Variants in BRD2 observed in about 807,000 individuals in gnomAD.
BRD2 encodes bromodomain containing 2, also known as bromodomain-containing protein 2.
BRD2 carries 15 observed loss-of-function variants against 79.1 expected under a neutral mutation model. The observed-to-expected ratio is 0.19, with a 90% CI of 0.13 to 0.29. The LOEUF is 0.29. Among genes scored for constraint, BRD2 ranks in the 10% least tolerant of loss-of-function variants. The pLI is 1.00. For synonymous variants in BRD2, 488 were observed against 358.6 expected (o/e 1.36, Z -4.08); for missense variants, 1,053 against 991.3 (o/e 1.06, Z -0.84).
rs569464963 is a variant in BRD2 at position 32,977,704 on chromosome 6, G to T, written c.1330-53G>T. The T allele has an allele frequency of 1.9e-5, 31 of 1,608,452 alleles. No homozygotes were observed. The Middle Eastern group carries it at 6.6e-4, about 34-fold the overall frequency. On this transcript the variant is annotated intron_variant, in intron 8 of 12. Transcript: ENST00000374825. ...TTGGAGCTATATCACTTGGTGGCTG[G>T]GTATGTAGGGCACTGTTTATCAGCA...
At position 32,977,318 on chromosome 6, in the gene BRD2, C is replaced by T. The variant is rs1582913712; in HGVS notation, c.1201-124C>T. On this transcript the variant is annotated intron_variant, in intron 7 of 12. Coordinates refer to ENST00000374825, the MANE Select transcript of BRD2 (RefSeq NM_005104.4). ...TTGACTTCAAACTTGAACCCCAGGG[C>T]ACAGATCCTTAAGGTCATCCCCACT... 1.9e-5 allele frequency: 30 copies of T among 1,603,294 alleles called. No individual in the cohort carries two copies. The East Asian group carries it at 6.7e-4, about 36-fold the overall frequency.
rs1440378147 is a variant in BRD2, at chr6:32,980,667, C to T, written c.2355C>T (p.Ser785=). ...CCAGCTCCAGCTCAGATTCCAGCTC[C>T]TCCTCTTCCTCGTCGTCGTCTTCAG... ...SASSSSSDSS[S]SSSSSSSSDT... The change falls in exon 13 of 13, where the codon TCC becomes TCT. Residue 785 remains serine (S), a synonymous_variant. Transcript: ENST00000374825. The T allele has an allele frequency of 2.5e-6, 4 of 1,613,036 alleles. No individual in the cohort carries two copies. Among genetic ancestry groups the T allele is most frequent in the Non-Finnish European group, 8.5e-7 (1 of 1,180,042 alleles).
At chr6:32,969,788 G>A (rs1777780106) in intron 1 of BRD2, among the ~76,000 whole-genome samples, 1 of 152,184 alleles carries the variant, frequency 6.6e-6, no homozygotes, top group Non-Finnish European at 1.5e-5. Flanking sequence ...AGACAGCATG[G>A]TCTGAGATGC....
chr6:32,972,194 C>G lies in BRD2; in HGVS notation c.-705C>G. On this transcript the variant is annotated 5_prime_UTR_variant, in exon 2 of 13. Coordinates refer to ENST00000374825, the MANE Select transcript of BRD2 (RefSeq NM_005104.4). ...TATAAAGGGCTGGCGCGGGGCTCGG[C>G]GGCGCCATTTCGTGCTGGAGTGGAG... 4 of 550,468 alleles carry G rather than the reference C, an allele frequency of 7.3e-6. No individual in the cohort carries two copies. Among genetic ancestry groups the G allele is most frequent in the South Asian group, 1.9e-5 (1 of 52,454 alleles). The allele number at this position is 550,468 out of a possible 1,614,324, so 34.1% of individuals were successfully genotyped here. A position where few individuals can be genotyped will look rare whatever the true frequency, so the allele number is the denominator to read the frequency against.
chr6:32,974,418 C>A, intron 2 of BRD2, 44 bp from the exon 3 acceptor site: 1 of 1,564,932 alleles, frequency 6.4e-7, no homozygotes, highest in South Asian at 1.2e-5. Context: ...GCACTTTTTC[C>A]TCATTTGGAC....
At chr6:32,975,083 CA>C (rs1377237320) in intron 3 of BRD2, 2 of 1,513,608 alleles carry the variant, frequency 1.3e-6, no homozygotes, top group Non-Finnish European at 1.8e-6. Flanking sequence ...TCCTTTCCCT[CA>C]TGCAGCCCAT....
At position 32,972,115 on chromosome 6, in the gene BRD2, A is replaced by C; in HGVS notation, c.-784A>C. ...GCGCGCGCGCGGAGGGGGTGGGGAA[A>C]AGCTCAAGCAGGGTGGCGCGCATGA... On this transcript the variant is annotated 5_prime_UTR_variant, in exon 2 of 13. Transcript: ENST00000374825. The C allele has an allele frequency of 1.5e-6, 1 of 689,324 alleles. No individual in the cohort carries two copies. Among genetic ancestry groups the C allele is most frequent in the Non-Finnish European group, 2.6e-6 (1 of 377,736 alleles). The allele number at this position is 689,324 out of a possible 1,614,324, so 42.7% of individuals were successfully genotyped here.
In BRD2 at chr6:32,972,896, A is replaced by C. The variant is rs761492965; in HGVS notation, c.-3A>C. The C allele has an allele frequency of 6.2e-7, 1 of 1,614,078 alleles. No homozygotes were observed. The highest frequency in any genetic ancestry group is 1.3e-5 in the African/African-American group (1 of 75,048). On this transcript the variant is annotated 5_prime_UTR_variant, in exon 2 of 13. Transcript: ENST00000374825. ...AGGGCAGCGCCGGTTCCTTGCGGTC[A>C]AGATGCTGCAAAACGTGACTCCCCA...
intron 4 of BRD2, 23 bp from the exon 5 acceptor site, chr6:32,976,008 T>C: frequency 6.3e-7 from 1 of 1,580,362 alleles, no homozygotes; most frequent in East Asian, 2.2e-5. Context: ...TAACTTTCTT[T>C]ATTGCTGTCT....
intron 8 of BRD2, 38 bp from the exon 9 acceptor site, chr6:32,977,719 G>GT (rs762166088): frequency 6.2e-7 from 1 of 1,611,910 alleles, no homozygotes; most frequent in Non-Finnish European, 8.5e-7. Context: ...GTAGGGCACT[G>GT]TTTATCAGCA....
Position 32,980,594 on chromosome 6 carries a change from C to T in BRD2, c.2282C>T (p.Thr761Ile), listed in dbSNP as rs200578995. ...ATTTGTTCTGCAGCGAATGAGAAAA[C>T]AGAGTCATCCTCTGCACAGCAAGTA... is the stretch of plus-strand genomic sequence containing the variant. ...KKPPKKANEK[T>I]ESSSAQQVAV... is the part of the protein sequence containing the mutation. The change falls in exon 13 of 13, where the codon ACA (threonine) becomes ATA (isoleucine). Residue 761 changes from threonine (T) to isoleucine (I), a missense_variant. Physicochemically the swap from Thr to Ile is moderately conservative, Grantham distance 89 (BLOSUM62 -1). Around this residue, in one of 5 missense-constraint regions of BRD2, gnomAD observed 139 missense variants for 133.2 expected, o/e 1.04. Coordinates refer to ENST00000374825, the MANE Select transcript of BRD2 (RefSeq NM_005104.4). 6.8e-6 allele frequency: 11 copies of T among 1,613,144 alleles called. No individual in the cohort carries two copies. Among genetic ancestry groups the T allele is most frequent in the Middle Eastern group, 3.3e-4 (2 of 6,062 alleles).
Position 32,980,836 on chromosome 6 carries a change from C to T in BRD2, c.*118C>T. On this transcript the variant is annotated 3_prime_UTR_variant, in exon 13 of 13. Coordinates refer to ENST00000374825, the MANE Select transcript of BRD2 (RefSeq NM_005104.4). ...TCTTCATCTCACCCCCCCCCGCCCC[C>T]CTCTAGGAGAGCTGGCTCTGCAGTG... The T allele has an allele frequency of 8.0e-7, 1 of 1,256,388 alleles. No individual in the cohort carries two copies. The highest frequency in any genetic ancestry group is 1.1e-6 in the Non-Finnish European group (1 of 902,264). 77.8% of individuals were successfully genotyped at this position (1,256,388 alleles called of 1,614,324 possible).
At chr6:32,971,479 T>C (rs998562165) in intron 1 of BRD2, 116 bp from the exon 2 acceptor site, 1 of 415,204 alleles carries the variant, frequency 2.4e-6, no homozygotes, top group Non-Finnish European at 4.2e-6. Context: ...AACACTGTTT[T>C]AGACTGTGGG....
rs1803865 is a variant in BRD2, at chr6:32,972,241, G to A, written c.-658G>A. On this transcript the variant is annotated 5_prime_UTR_variant, in exon 2 of 13. Coordinates refer to ENST00000374825, the MANE Select transcript of BRD2 (RefSeq NM_005104.4). ...GGAGCAGCCTCTAGAACGAGCTGGAGGATTCTGCCTACCGATACAGAGCCT... is the reference window on the plus strand; with the variant it reads ...GGAGCAGCCTCTAGAACGAGCTGGAAGATTCTGCCTACCGATACAGAGCCT... The A allele has an allele frequency of 2.1e-5, 10 of 482,494 alleles. No homozygotes were observed. Among genetic ancestry groups the A allele is most frequent in the Non-Finnish European group, 3.8e-5 (10 of 261,526 alleles). The allele number at this position is 482,494 out of a possible 1,614,324, so 29.9% of individuals were successfully genotyped here.
rs200397640 is a variant in BRD2 at position 32,980,681 on chromosome 6, C to T, written c.2369C>T (p.Ser790Leu). 2.0e-5 allele frequency: 32 copies of T among 1,612,998 alleles called. No homozygotes were observed. Among genetic ancestry groups the T allele is most frequent in the Non-Finnish European group, 2.5e-5 (30 of 1,180,050 alleles). ...GATTCCAGCTCCTCCTCTTCCTCGT[C>T]GTCGTCTTCAGACACCAGTGATTCA... Reference protein sequence around the residue: ...SSDSSSSSSSSSSSDTSDSDS... With the variant: ...SSDSSSSSSSLSSSDTSDSDS... The change falls in exon 13 of 13, where the codon TCG becomes TTG. Residue 790 changes from serine (S) to leucine (L), a missense_variant. Around this residue, in one of 5 missense-constraint regions of BRD2, gnomAD observed 139 missense variants for 133.2 expected, o/e 1.04. Transcript: ENST00000374825.
rs1779360957 is a variant in BRD2 at position 32,980,390 on chromosome 6, A to G, written c.2195A>G (p.Lys732Arg). 2 of 1,613,008 alleles carry G rather than the reference A, an allele frequency of 1.2e-6. No individual in the cohort carries two copies. Among genetic ancestry groups the G allele is most frequent in the South Asian group, 2.2e-5 (2 of 91,094 alleles). Residue 732 changes from lysine to arginine, a missense_variant, in exon 12 of 13, where the codon AAA (lysine) becomes AGA (arginine). Physicochemically the swap from Lys to Arg is conservative, Grantham distance 26 (BLOSUM62 2). Around this residue, in one of 5 missense-constraint regions of BRD2, gnomAD observed 139 missense variants for 133.2 expected, o/e 1.04. Transcript: ENST00000374825. ...ACAAAGGAGGAACTGGCTTTGGAGA[A>G]AAAGCGGGAATTAGAAAAGCGGTTA... Reference protein sequence around the residue: ...GKTKEELALEKKRELEKRLQD... With the variant: ...GKTKEELALERKRELEKRLQD...
At position 32,975,086 on chromosome 6, in the gene BRD2, G is replaced by A. The variant is rs1452419486; in HGVS notation, c.334-298G>A. 4 of 1,512,254 alleles carry A rather than the reference G, an allele frequency of 2.6e-6. No homozygotes were observed. The South Asian group carries it at 3.6e-5, about 14-fold the overall frequency. 93.7% of individuals were successfully genotyped at this position (1,512,254 alleles called of 1,614,324 possible). A position where few individuals can be genotyped will look rare whatever the true frequency, so the allele number is the denominator to read the frequency against. On this transcript the variant is annotated intron_variant, in intron 3 of 12. Coordinates refer to ENST00000374825, the MANE Select transcript of BRD2 (RefSeq NM_005104.4). ...TTCTTAGCTTCTTCCTTTCCCTCAT[G>A]CAGCCCATGGATAGCCAGCCCCAGA...
At chr6:32,973,270 G>C in intron 2 of BRD2, 1 of 999,638 alleles carries the variant, frequency 1.0e-6, no homozygotes, top group Non-Finnish European at 1.4e-6. Flanking sequence ...CGGTCTGTTA[G>C]CCTTTTAGGG....
At chr6:32,973,904 T>C (rs1180930059) in intron 2 of BRD2, among the ~76,000 whole-genome samples, 1 of 152,194 alleles carries the variant, frequency 6.6e-6, no homozygotes, top group Non-Finnish European at 1.5e-5. Context: ...TCTGGGTTTC[T>C]AGTCTATGTT....
Sources: gnomAD v4.1 joint callset for allele counts (sites outside exome capture counted in the v4.1 genomes callset) on GRCh38, gnomAD v4.1.1 for gene constraint, gnomAD v4.1.1 regional missense constraint, MANE v1.5 for transcripts, NCBI Gene and HGNC (gene_info 2026-07-23, HGNC 2026-07-21) for gene names.